The following XKR9 variants were observed in gnomAD, a reference collection of about 807,000 sequenced individuals.
XKR9 encodes the protein XK-related protein 9.
A neutral mutation model predicts 32.0 loss-of-function variants in XKR9; 32 were observed. That is an observed-to-expected ratio of 1.00 (90% CI 0.76 to 1.34). The LOEUF is 1.34. Among genes scored for constraint, XKR9 ranks in the 40% most tolerant of loss-of-function variants. The pLI is 0.00. For synonymous variants in XKR9, 168 were observed against 143.4 expected, an observed-to-expected ratio of 1.17 and a Z score of -1.22; for missense variants, 546 against 429.7, an observed-to-expected ratio of 1.27 and a Z score of -2.39.
At position 70,681,239 on chromosome 8, in the gene XKR9, T is replaced by G. The variant is rs1395309294; in HGVS notation, c.181T>G (p.Ser61Ala). The G allele has an allele frequency of 6.2e-7, 1 of 1,613,566 alleles. No homozygotes were observed. Among genetic ancestry groups the G allele is most frequent in the Admixed American group, 1.7e-5 (1 of 59,996 alleles). The part of the protein sequence containing the change: ...GTLVAQCFSY[S>A]WFKADLKKAG... ...ACTTGTGGCTCAGTGTTTTAGTTAT[T>G]CTTGGTTCAAGGCTGATTTAAAGAA... is the stretch of plus-strand genomic sequence containing the variant. Residue 61 changes from serine to alanine, a missense_variant, in exon 3 of 5, where the codon TCT (serine) becomes GCT (alanine). Transcript: ENST00000408926.
the XKR9 span, among the ~76,000 whole-genome samples, chr8:70,905,807 G>A: frequency 6.6e-6 from 1 of 152,130 alleles, no homozygotes; most frequent in South Asian, 2.1e-4. Flanking sequence ...TGGGGTTTTG[G>A]TGTGGATGTC....
chr8:71,048,877 C>A, the XKR9 span, among the ~76,000 whole-genome samples: 1 of 152,146 alleles, frequency 6.6e-6, no homozygotes, highest in Non-Finnish European at 1.5e-5. Flanking sequence ...AAATGAAATA[C>A]AATTTTTATT....
chr8:70,942,195 C>G, the XKR9 span, among the ~76,000 whole-genome samples: 1 of 152,126 alleles, frequency 6.6e-6, no homozygotes. Flanking sequence ...CTTGCTCTAA[C>G]AGTGGGAGCA....
intron 4 of XKR9, among the ~76,000 whole-genome samples, chr8:70,720,502 G>A (rs1311314729): frequency 1.3e-5 from 2 of 152,116 alleles, no homozygotes; most frequent in African/African-American, 4.8e-5. Context: ...AGTGTTTTTA[G>A]CATGAAGGGG....
chr8:70,926,699 T>C, the XKR9 span, among the ~76,000 whole-genome samples: 2 of 152,214 alleles, frequency 1.3e-5, no homozygotes, highest in Non-Finnish European at 2.9e-5. Context: ...TCTGAAGATA[T>C]ATTTTCTCCT....
intron 2 of XKR9, among the ~76,000 whole-genome samples, chr8:70,776,759 G>A (rs370631114): frequency 1.4e-4 from 21 of 151,692 alleles, no homozygotes; most frequent in East Asian, 5.8e-4. Context: ...TTGTCACCTC[G>A]TCAGAAGGGC....
the XKR9 span, among the ~76,000 whole-genome samples, chr8:70,850,776 C>T: frequency 1.4e-4 from 21 of 152,206 alleles, no homozygotes; most frequent in Admixed American, 1.2e-3. Flanking sequence ...ATTGATGGAA[C>T]GTATCTCAAA....
chr8:70,757,413 G>A (rs972808317), intron 2 of XKR9, among the ~76,000 whole-genome samples: 9 of 151,638 alleles, frequency 5.9e-5, no homozygotes, highest in African/African-American at 1.7e-4. Context: ...AGACCTTCTA[G>A]CAAATAAATT....
At chr8:70,733,320 C>G (rs1806734828) in intron 4 of XKR9, among the ~76,000 whole-genome samples, 1 of 151,708 alleles carries the variant, frequency 6.6e-6, no homozygotes, top group African/African-American at 2.4e-5. Flanking sequence ...TCTCTCTACC[C>G]CTCCTCCTCT....
At chr8:70,700,049 C>G (rs528460950) in intron 3 of XKR9, among the ~76,000 whole-genome samples, 1 of 152,012 alleles carries the variant, frequency 6.6e-6, no homozygotes, top group Non-Finnish European at 1.5e-5. Flanking sequence ...CCTTTAAGCA[C>G]TCTCTGTATT....
chr8:70,709,692 T>C (rs768283859), intron 4 of XKR9, among the ~76,000 whole-genome samples: 1 of 152,200 alleles, frequency 6.6e-6, no homozygotes, highest in African/African-American at 2.4e-5. Context: ...ATGCAATCCC[T>C]TTTACAGCAG....
At chr8:70,977,504 T>C in the XKR9 span, among the ~76,000 whole-genome samples, 1 of 152,200 alleles carries the variant, frequency 6.6e-6, no homozygotes, top group Admixed American at 6.6e-5. Context: ...CCAGCAGTCA[T>C]TCAGGAACAT....
At chr8:70,881,137 T>A in the XKR9 span, among the ~76,000 whole-genome samples, 1 of 152,202 alleles carries the variant, frequency 6.6e-6, no homozygotes, top group South Asian at 2.1e-4. Context: ...GATTAAAGAC[T>A]TAAATGTTAG....
the XKR9 span, among the ~76,000 whole-genome samples, chr8:71,011,561 TTG>T: frequency 4.6e-5 from 7 of 152,244 alleles, no homozygotes; most frequent in African/African-American, 1.4e-4. Context: ...AACTGCTTGG[TTG>T]ATATAAATAC....
the XKR9 span, among the ~76,000 whole-genome samples, chr8:70,821,132 A>G: frequency 1.3e-5 from 2 of 152,356 alleles, no homozygotes; most frequent in Admixed American, 1.3e-4. Context: ...TTGGGTAAAT[A>G]TACCCATTAC....
chr8:70,681,078 A>G lies in XKR9; in HGVS notation c.20A>G (p.Asn7Ser). The change falls in exon 3 of 5, where the codon AAT becomes AGT. Residue 7 changes from asparagine (N) to serine (S), a missense_variant. Asn to Ser is a conservative substitution (Grantham distance 46). Coordinates refer to ENST00000408926, the MANE Select transcript of XKR9 (RefSeq NM_001011720.2). MKYTKQNFMMSVLGIII... is the reference protein window; with the variant it reads MKYTKQSFMMSVLGIII... The stretch of plus-strand genomic sequence containing the variant: ...TTCGTAATGAAATATACTAAACAGA[A>G]TTTTATGATGTCAGTTCTTGGCATT... 4 of 1,612,260 alleles carry G rather than the reference A, an allele frequency of 2.5e-6. 1 individual carries two copies. In the South Asian group the frequency reaches 4.4e-5, roughly 18 times the overall value.
the XKR9 span, among the ~76,000 whole-genome samples, chr8:70,942,145 C>T: frequency 6.6e-6 from 1 of 152,092 alleles, no homozygotes; most frequent in African/African-American, 2.4e-5. Flanking sequence ...ATAACTTTGT[C>T]TAGTCTCCAT....
At chr8:70,743,831 G>C (rs1807020691) in intron 2 of XKR9, among the ~76,000 whole-genome samples, 1 of 152,044 alleles carries the variant, frequency 6.6e-6, no homozygotes, top group South Asian at 2.1e-4. Context: ...GGTATGCTGA[G>C]TGGGGTCTGC....
chr8:70,783,094 A>G (rs534252834), intron 2 of XKR9, among the ~76,000 whole-genome samples: 34 of 152,184 alleles, frequency 2.2e-4, no homozygotes, highest in Non-Finnish European at 4.6e-4. Flanking sequence ...GCCAATACTT[A>G]TCTTTCATCA....
Sources: gnomAD v4.1 joint callset for allele counts (sites outside exome capture counted in the v4.1 genomes callset) on GRCh38, gnomAD v4.1.1 for gene constraint, MANE v1.5 for transcripts, NCBI Gene and HGNC (gene_info 2026-07-23, HGNC 2026-07-21) for gene names.